Variants in IL16 observed in about 807,000 individuals in gnomAD.
The protein encoded by IL16 is pro-interleukin-16.
In IL16, 67 loss-of-function variants were observed where a neutral mutation model predicts 110.1. The observed-to-expected ratio is 0.61, with a 90% CI of 0.50 to 0.75. IL16 has a LOEUF of 0.75. IL16 is among the 30% of genes least tolerant of loss of function. IL16 has a pLI of 0.00. For synonymous variants in IL16, 689 were observed against 662.9 expected (o/e 1.04, Z -0.61); for missense variants, 1,545 against 1,655.0 (o/e 0.93, Z 1.15).
At chr15:81,256,949 C>A (rs1897969999) in intron 2 of IL16, among the ~76,000 whole-genome samples, 1 of 152,176 alleles carries the variant, frequency 6.6e-6, no homozygotes, top group African/African-American at 2.4e-5. Flanking sequence ...AGGACATTAC[C>A]TTCTCAATCT....
intron 1 of IL16, among the ~76,000 whole-genome samples, chr15:81,206,837 T>C (rs1272872748): frequency 1.3e-5 from 2 of 151,812 alleles, no homozygotes; most frequent in Non-Finnish European, 2.9e-5. Flanking sequence ...GCCAAAAGGA[T>C]GTTCAGAAGA....
intron 1 of IL16, among the ~76,000 whole-genome samples, chr15:81,185,637 A>T (rs1162244892): frequency 6.6e-6 from 1 of 152,186 alleles, no homozygotes; most frequent in South Asian, 2.1e-4. Flanking sequence ...TCTAGGCTTC[A>T]AGCACTGTGC....
chr15:81,232,053 T>G (rs1897017911), intron 2 of IL16, among the ~76,000 whole-genome samples: 3 of 121,198 alleles, frequency 2.5e-5, no homozygotes, highest in African/African-American at 8.7e-5. Context: ...TTTTTTTTTT[T>G]TTTTTTTTTT....
At chr15:81,306,728 A>T (rs1355271685) in intron 18 of IL16, 183 bp downstream of exon 18, 1 of 703,358 alleles carries the variant, frequency 1.4e-6, no homozygotes, top group Admixed American at 2.1e-5. Flanking sequence ...TTGCTCAGAC[A>T]TCCCCTCAAT....
intron 1 of IL16, among the ~76,000 whole-genome samples, chr15:81,201,424 G>A (rs1895810059): frequency 6.6e-6 from 1 of 152,070 alleles, no homozygotes; most frequent in African/African-American, 2.4e-5. Context: ...TCTCCTCTCA[G>A]TTCTATTTAG....
rs755524212 is a variant in IL16, at chr15:81,306,141, A to T, written c.3654A>T (p.Ala1218=). The part of the protein sequence containing the change: ...SSTDSAASAS[A]ASDVSVESTA... Reference sequence around the variant, plus strand: ...CTGACTCTGCAGCCTCAGCCTCTGCAGCCAGTGATGTTTCTGTAGAATCTA... The same window carrying T: ...CTGACTCTGCAGCCTCAGCCTCTGCTGCCAGTGATGTTTCTGTAGAATCTA... Residue 1218 remains alanine (A), a synonymous_variant, in exon 17 of 19, where the codon GCA becomes GCT. Transcript: ENST00000683961. The T allele has an allele frequency of 1.2e-6, 2 of 1,614,126 alleles. No individual in the cohort carries two copies. Among genetic ancestry groups the T allele is most frequent in the South Asian group, 1.1e-5 (1 of 91,082 alleles).
At chr15:81,236,897 G>A (rs1159448843) in intron 2 of IL16, among the ~76,000 whole-genome samples, 2 of 152,156 alleles carry the variant, frequency 1.3e-5, no homozygotes, top group East Asian at 1.9e-4. Context: ...AGTGGAGGTT[G>A]CAGTGAGCTG....
intron 7 of IL16, 91 bp downstream of exon 7, chr15:81,278,981 G>A: frequency 1.1e-6 from 1 of 875,278 alleles, no homozygotes; most frequent in African/African-American, 1.7e-5. Context: ...AATTCAAACT[G>A]TGGAACCCTT....
intron 2 of IL16, among the ~76,000 whole-genome samples, chr15:81,226,472 C>T (rs1896791910): frequency 6.6e-6 from 1 of 152,202 alleles, no homozygotes; most frequent in Non-Finnish European, 1.5e-5. Context: ...GGGATCAGTG[C>T]TGCTAACGCA....
At chr15:81,234,471 C>T (rs1436164948) in intron 2 of IL16, among the ~76,000 whole-genome samples, 1 of 151,894 alleles carries the variant, frequency 6.6e-6, no homozygotes, top group Non-Finnish European at 1.5e-5. Flanking sequence ...ATATATTAGT[C>T]TTATATAAAT....
In IL16 at chr15:81,306,150, T is replaced by C. The variant is rs1900543910; in HGVS notation, c.3663T>C (p.Asp1221=). Reference sequence around the variant, plus strand: ...CAGCCTCAGCCTCTGCAGCCAGTGATGTTTCTGTAGAATCTAGTAAGTTCT... The same window carrying C: ...CAGCCTCAGCCTCTGCAGCCAGTGACGTTTCTGTAGAATCTAGTAAGTTCT... The part of the protein sequence containing the change: ...DSAASASAAS[D]VSVESTAEAT... Residue 1221 remains aspartate (D), a synonymous_variant, in exon 17 of 19, where the codon GAT becomes GAC. Coordinates refer to ENST00000683961, the MANE Select transcript of IL16 (RefSeq NM_172217.5). 1 of 1,613,912 alleles carries C rather than the reference T, an allele frequency of 6.2e-7. No individual in the cohort carries two copies. Among genetic ancestry groups the C allele is most frequent in the African/African-American group, 1.3e-5 (1 of 74,948 alleles).
chr15:81,243,459 A>G (rs1897422682), intron 2 of IL16, among the ~76,000 whole-genome samples: 1 of 151,910 alleles, frequency 6.6e-6, no homozygotes, highest in Admixed American at 6.6e-5. Flanking sequence ...TGCTGTTGTT[A>G]TAGGCATGAG....
At chr15:81,211,134 A>C (rs887434665) in intron 1 of IL16, among the ~76,000 whole-genome samples, 2 of 152,148 alleles carry the variant, frequency 1.3e-5, no homozygotes. Flanking sequence ...ATCATCGCGC[A>C]CTGCAGCCTC....
Position 81,297,186 on chromosome 15 carries a change from T to C in IL16, c.2053+108T>C, listed in dbSNP as rs916575631. On this transcript the variant is annotated intron_variant, in intron 13 of 18. Coordinates refer to ENST00000683961, the MANE Select transcript of IL16 (RefSeq NM_172217.5). ...AGGATCAGAGTGCTCTGCATTGACA[T>C]CACCACTGGACCTGGCTGATCAACA... 5 of 1,063,938 alleles carry C rather than the reference T, an allele frequency of 4.7e-6. No individual in the cohort carries two copies. The Admixed American group carries it at 1.0e-4, about 22-fold the overall frequency. 65.9% of individuals were successfully genotyped at this position (1,063,938 alleles called of 1,614,324 possible). A position where few individuals can be genotyped will look rare whatever the true frequency, so the allele number is the denominator to read the frequency against.
At chr15:81,243,739 A>G (rs533175317) in intron 2 of IL16, among the ~76,000 whole-genome samples, 1 of 152,160 alleles carries the variant, frequency 6.6e-6, no homozygotes, top group African/African-American at 2.4e-5. Context: ...CTTAATAGTT[A>G]TAGAACTATT....
chr15:81,241,881 G>A (rs1897348081), intron 2 of IL16, among the ~76,000 whole-genome samples: 1 of 150,752 alleles, frequency 6.6e-6, no homozygotes, highest in South Asian at 2.1e-4. Context: ...TTTTCTAGAA[G>A]TTTCATAGTC....
At chr15:81,286,978 T>C (rs1482019233) in intron 10 of IL16, among the ~76,000 whole-genome samples, 1 of 152,204 alleles carries the variant, frequency 6.6e-6, no homozygotes, top group African/African-American at 2.4e-5. Context: ...CTTGTGAGAC[T>C]TATTCACTAT....
At chr15:81,283,551 G>A (rs1344422331) in intron 9 of IL16, among the ~76,000 whole-genome samples, 1 of 152,186 alleles carries the variant, frequency 6.6e-6, no homozygotes, top group Non-Finnish European at 1.5e-5. Flanking sequence ...GAATGTGTAT[G>A]CATGTTACAG....
intron 2 of IL16, among the ~76,000 whole-genome samples, chr15:81,229,922 G>A (rs906266269): frequency 2.6e-5 from 4 of 152,142 alleles, no homozygotes; most frequent in Non-Finnish European, 4.4e-5. Context: ...CTCTGGAAAC[G>A]CCTAATATAA....
Sources: allele counts gnomAD v4.1 joint callset (sites outside exome capture counted in the v4.1 genomes callset), GRCh38; gene constraint gnomAD v4.1.1; transcripts MANE v1.5; gene names NCBI Gene and HGNC (gene_info 2026-07-23, HGNC 2026-07-21).